The following ZNF670 variants were observed in gnomAD, a reference collection of about 807,000 sequenced individuals.
ZNF670 encodes the protein zinc finger protein 670.
ZNF670 carries 7 observed loss-of-function variants against 10.9 expected under a neutral mutation model. The observed-to-expected ratio is 0.64, with a 90% CI of 0.36 to 1.20. The LOEUF (loss-of-function observed/expected upper bound fraction) is 1.20. Among genes scored for constraint, ZNF670 ranks in the 50% most tolerant of loss-of-function variants. The probability of loss-of-function intolerance (pLI) is 0.02; values close to 1 mark genes in which losing one functional copy is unlikely to be tolerated. For synonymous variants in ZNF670, 136 were observed against 152.7 expected, an observed-to-expected ratio of 0.89 and a Z score of 0.81; for missense variants, 446 against 458.6, an observed-to-expected ratio of 0.97 and a Z score of 0.25.
chr1:247,063,608 A>AT (rs1240075207), intron 1 of ZNF670, among the ~76,000 whole-genome samples: 1 of 148,424 alleles, frequency 6.7e-6, no homozygotes, highest in East Asian at 2.0e-4. Flanking sequence ...GGAAACTGGA[A>AT]TTTGGGGAAT....
intron 1 of ZNF670, among the ~76,000 whole-genome samples, chr1:247,056,186 G>T (rs1670711609): frequency 6.7e-6 from 1 of 150,228 alleles, no homozygotes; most frequent in Admixed American, 6.6e-5. Context: ...GGCCCTAATA[G>T]ATACTTACAG....
rs747259663 is a variant in ZNF670, at chr1:247,039,531, C to A, written c.10G>T (p.Val4Leu). The change falls in exon 2 of 4, where the codon GTG becomes TTG. Residue 4 changes from valine to leucine, a missense_variant. Physicochemically the swap from Val to Leu is conservative, Grantham distance 32. Coordinates refer to ENST00000366503, the MANE Select transcript of ZNF670 (RefSeq NM_033213.5). MDS[V>L]SFEDVAVAFT... ...GCCACAGCCACATCTTCAAATGACA[C>A]TGAATCCTAGAATATCGCACATATG... The A allele has an allele frequency of 1.3e-6, 2 of 1,589,342 alleles. No homozygotes were observed. The highest frequency in any genetic ancestry group is 1.7e-6 in the Non-Finnish European group (2 of 1,170,958).
At chr1:247,072,827 T>C (rs1258239802) in intron 1 of ZNF670, among the ~76,000 whole-genome samples, 26,710 of 91,614 alleles carry the variant, frequency 0.29, 4,774 homozygotes, top group African/African-American at 0.47. Flanking sequence ...TATATATATA[T>C]ATATATATAT....
At chr1:247,040,531 G>C (rs1670278895) in intron 1 of ZNF670, among the ~76,000 whole-genome samples, 1 of 151,894 alleles carries the variant, frequency 6.6e-6, no homozygotes, top group African/African-American at 2.4e-5. Context: ...AAATGTCTAA[G>C]AATTGTCAAA....
In ZNF670 at chr1:247,078,596, TTTCC is replaced by T; in HGVS notation, c.-4_-1del. On this transcript the variant is annotated 5_prime_UTR_variant, in exon 1 of 4. Transcript: ENST00000366503. The stretch of plus-strand genomic sequence containing the variant: ...AGACACCTGGCCGGCACACTCACCA[TTTCC>T]CAGTCTCCGGTGTCTGGGGTCCTCC... 3.7e-6 allele frequency: 6 copies of T among 1,613,886 alleles called. No individual in the cohort carries two copies. Among genetic ancestry groups the T allele is most frequent in the Non-Finnish European group, 5.1e-6 (6 of 1,179,902 alleles).
chr1:247,068,230 C>T (rs1048837880), intron 1 of ZNF670, among the ~76,000 whole-genome samples: 2 of 144,564 alleles, frequency 1.4e-5, no homozygotes, highest in African/African-American at 2.7e-5. Flanking sequence ...GTAGGAGAAT[C>T]GCTTGAACCC....
intron 1 of ZNF670, among the ~76,000 whole-genome samples, chr1:247,064,257 T>C (rs1218869897): frequency 6.6e-6 from 1 of 152,236 alleles, no homozygotes; most frequent in Non-Finnish European, 1.5e-5. Flanking sequence ...TCAGAGGACA[T>C]GCAGCAGTGG....
At chr1:247,050,417 T>A (rs1670562933) in intron 1 of ZNF670, among the ~76,000 whole-genome samples, 1 of 152,106 alleles carries the variant, frequency 6.6e-6, no homozygotes, top group Non-Finnish European at 1.5e-5. Context: ...TTTATGTGAG[T>A]CCTTATGTGT....
At chr1:247,075,778 G>A (rs573212186) in intron 1 of ZNF670, among the ~76,000 whole-genome samples, 1 of 152,202 alleles carries the variant, frequency 6.6e-6, no homozygotes, top group South Asian at 2.1e-4. Flanking sequence ...TCCAGCCTCA[G>A]GTATGTCTTT....
Position 247,051,269 on chromosome 1 carries a change from C to CA in ZNF670, c.4-11733dup, listed in dbSNP as rs71566688. ...ACTCCGTCTCCAAGAAAAAAAAAAA[C>CA]AAAAAAAAAACTCCTTTTAGCAGTT... On this transcript the variant is annotated intron_variant, in intron 1 of 3. Coordinates refer to ENST00000366503, the MANE Select transcript of ZNF670 (RefSeq NM_033213.5). Among the ~76,000 whole-genome samples the CA allele has an allele frequency of 9.7e-3, 1,249 of 128,878 alleles. 16 individuals are homozygous for CA. Among genetic ancestry groups the CA allele is most frequent in the African/African-American group, 0.03 (936 of 31,076 alleles). The allele number at this position is 128,878 out of a possible 152,430, so 84.5% of individuals were successfully genotyped here.
chr1:247,054,134 C>T (rs1266379926), intron 1 of ZNF670, among the ~76,000 whole-genome samples: 2 of 152,200 alleles, frequency 1.3e-5, no homozygotes, highest in East Asian at 1.9e-4. Context: ...CCGTCCTAAC[C>T]AGAGGGGACT....
intron 1 of ZNF670, among the ~76,000 whole-genome samples, chr1:247,057,971 A>C (rs1454298996): frequency 1.3e-5 from 2 of 152,242 alleles, no homozygotes; most frequent in East Asian, 3.8e-4. Flanking sequence ...TTAATTGTAC[A>C]TTTTAAAATA....
intron 1 of ZNF670, among the ~76,000 whole-genome samples, chr1:247,060,389 A>G (rs1670830368): frequency 6.6e-6 from 1 of 152,258 alleles, no homozygotes; most frequent in South Asian, 2.1e-4. Flanking sequence ...CTCTAAAGCA[A>G]ATGTTGAACA....
intron 1 of ZNF670, among the ~76,000 whole-genome samples, chr1:247,058,128 C>T (rs745452510): frequency 1.3e-5 from 2 of 151,868 alleles, no homozygotes; most frequent in African/African-American, 2.4e-5. Context: ...TAGTATGTAC[C>T]CACAAAAATT....
intron 1 of ZNF670, among the ~76,000 whole-genome samples, chr1:247,053,771 C>T (rs563294209): frequency 2.2e-4 from 34 of 152,286 alleles, no homozygotes; most frequent in Non-Finnish European, 4.4e-4. Context: ...AACCTAGTAA[C>T]AGGAGAGTAG....
chr1:247,052,715 C>T (rs1032086230), intron 1 of ZNF670, among the ~76,000 whole-genome samples: 4 of 152,134 alleles, frequency 2.6e-5, no homozygotes, highest in African/African-American at 9.7e-5. Flanking sequence ...TAATGGCTTG[C>T]GTTGGTTGGC....
rs1670106781 is a variant in ZNF670 at position 247,034,730 on chromosome 1, A to C, written c.*2719T>G. Among the ~76,000 whole-genome samples the C allele has an allele frequency of 6.6e-6, 1 of 152,194 alleles. No individual in the cohort carries two copies. Among genetic ancestry groups the C allele is most frequent in the Non-Finnish European group, 1.5e-5 (1 of 68,032 alleles). ...TCCTTTCTGCAACTTCACACACACA[A>C]AATCCCTGGAGCTGTCCCAAGTGTG... is the stretch of plus-strand genomic sequence containing the variant. On this transcript the variant is annotated 3_prime_UTR_variant, in exon 4 of 4. Coordinates refer to ENST00000366503, the MANE Select transcript of ZNF670 (RefSeq NM_033213.5).
chr1:247,044,259 A>C (rs565705382), intron 1 of ZNF670, among the ~76,000 whole-genome samples: 51 of 152,202 alleles, frequency 3.4e-4, no homozygotes, highest in African/African-American at 9.4e-4. Flanking sequence ...GAAAAAAAAA[A>C]CCCCAAAAAA....
intron 1 of ZNF670, among the ~76,000 whole-genome samples, chr1:247,056,329 G>C (rs1359757269): frequency 6.6e-6 from 1 of 152,082 alleles, no homozygotes; most frequent in Non-Finnish European, 1.5e-5. Flanking sequence ...ATAGTATCAA[G>C]CATCTTCCCT....
Sources: allele counts gnomAD v4.1 joint callset (sites outside exome capture counted in the v4.1 genomes callset), GRCh38; gene constraint gnomAD v4.1.1; transcripts MANE v1.5; gene names NCBI Gene and HGNC (gene_info 2026-07-23, HGNC 2026-07-21).